Variants in CDH17 observed in about 807,000 individuals in gnomAD.
CDH17 encodes cadherin-17.
Under a neutral mutation model 86.3 loss-of-function variants are expected in CDH17, and 67 were observed. The observed-to-expected ratio is 0.78, with a 90% CI of 0.64 to 0.95. The LOEUF is 0.95. Ranked by LOEUF, CDH17 falls within the 40% of genes least tolerant of loss-of-function variation. CDH17 has a pLI of 0.00. For missense variants in CDH17, 993 were observed against 1,017.6 expected (o/e 0.98, Z 0.33); for synonymous variants, 367 against 366.4 (o/e 1.00, Z -0.02).
At chr8:94,194,111 C>T (rs1813736885) in intron 2 of CDH17, among the ~76,000 whole-genome samples, 2 of 152,174 alleles carry the variant, frequency 1.3e-5, no homozygotes, top group South Asian at 4.1e-4. Context: ...TTCTATCCAG[C>T]TCCGAGCTCT....
At chr8:94,135,523 A>G (rs997449157) in intron 15 of CDH17, among the ~76,000 whole-genome samples, 1 of 152,054 alleles carries the variant, frequency 6.6e-6, no homozygotes, top group East Asian at 1.9e-4. Flanking sequence ...ATCTTCCTCC[A>G]TCCTTTTATT....
At chr8:94,189,415 G>A in intron 2 of CDH17, 130 bp from the exon 3 acceptor site, 1 of 657,588 alleles carries the variant, frequency 1.5e-6, no homozygotes, top group South Asian at 2.0e-5. Context: ...GATCAAAACA[G>A]GAAAGAGTGT....
chr8:94,187,252 CAAAT>C (rs1393459010), intron 3 of CDH17, among the ~76,000 whole-genome samples: 2 of 152,176 alleles, frequency 1.3e-5, no homozygotes, highest in Non-Finnish European at 2.9e-5. Context: ...TAAACATAAA[CAAAT>C]AAAAATCAGT....
At chr8:94,176,206 T>C (rs1426609951) in intron 5 of CDH17, among the ~76,000 whole-genome samples, 1 of 152,140 alleles carries the variant, frequency 6.6e-6, no homozygotes, top group African/African-American at 2.4e-5. Context: ...CAGAGGATAT[T>C]TGGCAATGCC....
In CDH17 at chr8:94,148,712, T is replaced by C. The variant is rs866308502; in HGVS notation, c.1927+32A>G. ...TGTATCTTCTGATAATCTGTGTTCC[T>C]TTTTTTTTGTTTTTTTTTTTTTTTT... On this transcript the variant is annotated intron_variant, in intron 14 of 17. Transcript: ENST00000027335. The C allele has an allele frequency of 1.7e-4, 225 of 1,333,802 alleles. 1 individual carries two copies. The African/African-American group carries it at 3.8e-3, about 22-fold the overall frequency. 82.6% of individuals were successfully genotyped at this position (1,333,802 alleles called of 1,614,324 possible).
At chr8:94,178,727 A>G (rs2623172) in intron 3 of CDH17, among the ~76,000 whole-genome samples, 30,777 of 152,106 alleles carry the variant, frequency 0.2, 3,517 homozygotes, top group Non-Finnish European at 0.25. Flanking sequence ...TATGGTACCA[A>G]AAGAATTCAT....
intron 3 of CDH17, among the ~76,000 whole-genome samples, chr8:94,179,255 TACA>T (rs1315348746): frequency 6.6e-6 from 1 of 152,168 alleles, no homozygotes; most frequent in Non-Finnish European, 1.5e-5. Context: ...AACATCTACT[TACA>T]ACACTTATCT....
chr8:94,205,695 GT>G (rs78457547), intron 1 of CDH17, among the ~76,000 whole-genome samples: 258 of 146,670 alleles, frequency 1.8e-3, no homozygotes, highest in African/African-American at 5.5e-3. Flanking sequence ...TTCATGAATT[GT>G]TTTTTTTTTT....
chr8:94,159,939 G>A, intron 12 of CDH17, 32 bp downstream of exon 12: 1 of 1,543,940 alleles, frequency 6.5e-7, no homozygotes. Context: ...CACAAACAAA[G>A]ACAAATTCTA....
chr8:94,198,484 C>T (rs1660012519), intron 1 of CDH17, among the ~76,000 whole-genome samples: 1 of 152,172 alleles, frequency 6.6e-6, no homozygotes. Flanking sequence ...AACTAGTTTT[C>T]TGTAATATTA....
rs535553824 is a variant in CDH17, at chr8:94,216,791, G to A, written c.-21+407C>T. On this transcript the variant is annotated intron_variant, in intron 1 of 17. Transcript: ENST00000450165. ...TCCACTCCTCTTCTTTATCTCTAAA[G>A]AGAGGTTTTTCTCAGTACAAATAAG... is the stretch of plus-strand genomic sequence containing the variant. Among the ~76,000 whole-genome samples, 219 of 152,300 alleles carry A rather than the reference G, an allele frequency of 1.4e-3. 1 individual carries two copies. Among genetic ancestry groups the A allele is most frequent in the Non-Finnish European group, 2.7e-3 (181 of 68,028 alleles).
intron 1 of CDH17, among the ~76,000 whole-genome samples, chr8:94,201,511 G>A (rs529560574): frequency 6.6e-6 from 1 of 152,338 alleles, no homozygotes; most frequent in South Asian, 2.1e-4. Context: ...TGAATGTACA[G>A]ACAGCCATCT....
chr8:94,194,741 C>T (rs1225600164), intron 1 of CDH17, 36 bp from the exon 2 acceptor site: 3 of 1,097,374 alleles, frequency 2.7e-6, no homozygotes, highest in South Asian at 2.6e-5. Flanking sequence ...GGTTAGTTAC[C>T]AGTCTGTTAA....
intron 4 of CDH17, 57 bp downstream of exon 4, chr8:94,177,530 G>T (rs953297327): frequency 1.3e-6 from 2 of 1,593,570 alleles, no homozygotes; most frequent in Non-Finnish European, 8.6e-7. Flanking sequence ...CATACTTCCA[G>T]AACAAAGGGT....
At chr8:94,129,115 C>A (rs559438516) in intron 17 of CDH17, among the ~76,000 whole-genome samples, 41 of 152,310 alleles carry the variant, frequency 2.7e-4, no homozygotes, top group African/African-American at 9.6e-4. Context: ...CCTATTACTT[C>A]TATTTCTGGA....
chr8:94,162,840 G>C (rs1813081033), intron 10 of CDH17, among the ~76,000 whole-genome samples: 1 of 152,142 alleles, frequency 6.6e-6, no homozygotes, highest in African/African-American at 2.4e-5. Context: ...TGTGTGTGGA[G>C]TGCAGGTGGG....
intron 1 of CDH17, among the ~76,000 whole-genome samples, chr8:94,216,929 A>G (rs1814203640): frequency 6.6e-6 from 1 of 152,174 alleles, no homozygotes; most frequent in South Asian, 2.1e-4. Flanking sequence ...CTTGGTTCCA[A>G]CGTGCAGCCG....
chr8:94,135,876 T>C (rs1812513548), intron 15 of CDH17, among the ~76,000 whole-genome samples: 1 of 152,226 alleles, frequency 6.6e-6, no homozygotes, highest in African/African-American at 2.4e-5. Flanking sequence ...CAGCATTTGC[T>C]TGTCTGTAAA....
At chr8:94,132,905 A>G (rs193138105) in intron 15 of CDH17, among the ~76,000 whole-genome samples, 68 of 152,300 alleles carry the variant, frequency 4.5e-4, no homozygotes, top group Admixed American at 4.1e-3. Context: ...TTTTCCCAGC[A>G]CCATTTATTA....
Sources: allele counts gnomAD v4.1 joint callset (sites outside exome capture counted in the v4.1 genomes callset), GRCh38; gene constraint gnomAD v4.1.1; transcripts MANE v1.5; gene names NCBI Gene and HGNC (gene_info 2026-07-23, HGNC 2026-07-21).